ATP6V1C2: variants seen among roughly 807,000 people sequenced by gnomAD.
The protein encoded by ATP6V1C2 is V-type proton ATPase subunit C 2.
Under a neutral mutation model 56.8 loss-of-function variants are expected in ATP6V1C2, and 45 were observed. That is an observed-to-expected ratio of 0.79 (90% CI 0.62 to 1.02). ATP6V1C2 has a LOEUF of 1.02. ATP6V1C2 is among the 50% of genes least tolerant of loss of function. The probability of loss-of-function intolerance (pLI) is 0.00; values close to 1 mark genes in which losing one functional copy is unlikely to be tolerated. For synonymous variants in ATP6V1C2, 220 were observed against 201.3 expected, an observed-to-expected ratio of 1.09 and a Z score of -0.79; for missense variants, 463 against 519.7, an observed-to-expected ratio of 0.89 and a Z score of 1.06.
At chr2:10,777,310 G>A (rs912984152) in intron 10 of ATP6V1C2, among the ~76,000 whole-genome samples, 1 of 152,220 alleles carries the variant, frequency 6.6e-6, no homozygotes, top group African/African-American at 2.4e-5. Flanking sequence ...GCCCAAGCAA[G>A]GGGAGGGAGC....
At chr2:10,774,573 G>A (rs1313610239) in intron 8 of ATP6V1C2, among the ~76,000 whole-genome samples, 2 of 152,212 alleles carry the variant, frequency 1.3e-5, no homozygotes, top group African/African-American at 4.8e-5. Context: ...GCACCCCGAG[G>A]CCCCCTGAGG....
At chr2:10,764,976 C>CA (rs60445006) in intron 5 of ATP6V1C2, among the ~76,000 whole-genome samples, 59 of 145,696 alleles carry the variant, frequency 4.0e-4, no homozygotes, top group African/African-American at 4.1e-4. Flanking sequence ...GTCCCCCCAC[C>CA]AAAAAAAAAA....
At chr2:10,725,136 A>G (rs1253051820) in intron 2 of ATP6V1C2, among the ~76,000 whole-genome samples, 2 of 152,046 alleles carry the variant, frequency 1.3e-5, no homozygotes, top group Non-Finnish European at 1.5e-5. Context: ...GATCATGGCC[A>G]GGCACGGTGG....
chr2:10,758,284 C>G (rs1198858), intron 4 of ATP6V1C2, among the ~76,000 whole-genome samples: 35,769 of 152,104 alleles, frequency 0.24, 4,453 homozygotes, highest in Admixed American at 0.32. Context: ...TTAATGTAAC[C>G]TTAAGTTAGA....
chr2:10,731,865 TG>T (rs1661968445), intron 3 of ATP6V1C2, among the ~76,000 whole-genome samples: 1 of 151,920 alleles, frequency 6.6e-6, no homozygotes, highest in South Asian at 2.1e-4. Flanking sequence ...TCCCAGCACT[TG>T]GGAAGTTGAG....
rs1665149402 is a variant in ATP6V1C2, at chr2:10,778,589, G to A, written c.981G>A (p.Trp327Ter). 1 of 1,614,174 alleles carries A rather than the reference G, an allele frequency of 6.2e-7. No homozygotes were observed. The highest frequency in any genetic ancestry group is 2.2e-5 in the East Asian group (1 of 44,884). ...CTTTGCAGGGCCCCCTGCTGCGCTG[G>A]CTCAAGGTGAACTTCAGTGAAGCCT... ...EGEGEGPLLRWLKVNFSEAFI... is the reference protein window; with the variant it reads ...EGEGEGPLLR Residue 327 changes from tryptophan to a stop codon, truncating the protein, a stop_gained, in exon 12 of 14, where the codon TGG (tryptophan) becomes TGA (stop). Transcript: ENST00000272238. LOFTEE classifies it high-confidence loss of function.
chr2:10,784,371 A>G lies in ATP6V1C2; in HGVS notation c.*1108A>G, dbSNP rs1032358948. ...CACTGTTAGATCTGCAGAAGGGGAC[A>G]CCCTGGAAGGTCAACATCTCATTTT... On this transcript the variant is annotated 3_prime_UTR_variant, in exon 14 of 14. Coordinates refer to ENST00000272238, the MANE Select transcript of ATP6V1C2 (RefSeq NM_001039362.2). 10 of 1,496,280 alleles carry G rather than the reference A, an allele frequency of 6.7e-6. No homozygotes were observed. The highest frequency in any genetic ancestry group is 1.4e-5 in the African/African-American group (1 of 72,088). 92.7% of individuals were successfully genotyped at this position (1,496,280 alleles called of 1,614,324 possible). A position where few individuals can be genotyped will look rare whatever the true frequency, so the allele number is the denominator to read the frequency against.
chr2:10,782,174 TGGTCA>T lies in ATP6V1C2; in HGVS notation c.1062-65_1062-61del. 2.5e-6 allele frequency: 4 copies of T among 1,576,022 alleles called. No homozygotes were observed. In the South Asian group the frequency reaches 4.6e-5, roughly 18 times the overall value. ...TTTCACCCTCGGAATGTACTGTTTC[TGGTCA>T]GGTTCCTTCTATCCGTGTTTGCATT... is the stretch of plus-strand genomic sequence containing the variant. On this transcript the variant is annotated intron_variant, in intron 12 of 13. Transcript: ENST00000272238.
intron 2 of ATP6V1C2, among the ~76,000 whole-genome samples, chr2:10,725,176 G>T (rs1422731842): frequency 6.6e-6 from 1 of 151,932 alleles, no homozygotes; most frequent in African/African-American, 2.4e-5. Flanking sequence ...CCCTTTGGGA[G>T]GTCGAAGTGG....
At chr2:10,757,694 C>G (rs956374275) in intron 4 of ATP6V1C2, among the ~76,000 whole-genome samples, 1 of 152,238 alleles carries the variant, frequency 6.6e-6, no homozygotes, top group African/African-American at 2.4e-5. Context: ...CGCCTGGAAG[C>G]TGGGAACGCT....
intron 3 of ATP6V1C2, among the ~76,000 whole-genome samples, chr2:10,753,128 A>G (rs1307725273): frequency 6.6e-6 from 1 of 152,238 alleles, no homozygotes; most frequent in Non-Finnish European, 1.5e-5. Context: ...TGTTTTTCAG[A>G]GACAAAAAGT....
intron 3 of ATP6V1C2, 147 bp downstream of exon 3, chr2:10,726,716 C>T (rs573540830): frequency 8.1e-5 from 59 of 725,214 alleles, no homozygotes; most frequent in African/African-American, 5.9e-4. Flanking sequence ...AGTCCCCCTG[C>T]GGGTGCTGGG....
At chr2:10,741,746 C>A (rs898954837) in intron 3 of ATP6V1C2, among the ~76,000 whole-genome samples, 1 of 152,116 alleles carries the variant, frequency 6.6e-6, no homozygotes, top group African/African-American at 2.4e-5. Flanking sequence ...AGGGCCTTGG[C>A]TTTGTGTGTG....
rs1160837259 is a variant in ATP6V1C2 at position 10,777,635 on chromosome 2, CAAGGTT to C, written c.882_887del (p.Lys295_Val296del). 1 of 1,614,028 alleles carries C rather than the reference CAAGGTT, an allele frequency of 6.2e-7. No homozygotes were observed. The highest frequency in any genetic ancestry group is 8.5e-7 in the Non-Finnish European group (1 of 1,180,028). On this transcript the variant is annotated inframe_deletion, in exon 11 of 14. Transcript: ENST00000272238. The stretch of plus-strand genomic sequence containing the variant: ...AGGGATCATCCACCTTCCCGGACCA[CAAGGTT>C]AAGGTAACCCCGCTAGGTAACCCTG...
chr2:10,726,592 C>T (rs775090046), intron 3 of ATP6V1C2, 23 bp downstream of exon 3: 47 of 1,588,078 alleles, frequency 3.0e-5, no homozygotes, highest in African/African-American at 4.0e-5. Context: ...TTATTTACTA[C>T]ATACAAGTGA....
chr2:10,780,832 C>T lies in ATP6V1C2; in HGVS notation c.1062-1411C>T, dbSNP rs1345599641. ...AATCTCAGCTCACTGCGACCTCCACCTCCCAGGTTCAAGCAATTCTCCTGC... is the reference window on the plus strand; with the variant it reads ...AATCTCAGCTCACTGCGACCTCCACTTCCCAGGTTCAAGCAATTCTCCTGC... On this transcript the variant is annotated intron_variant, in intron 12 of 13. Coordinates refer to ENST00000272238, the MANE Select transcript of ATP6V1C2 (RefSeq NM_001039362.2). The surrounding 1 kb of genome is among the most constrained non-coding windows in gnomAD (Gnocchi z 4.1). Among the ~76,000 whole-genome samples the T allele has an allele frequency of 6.6e-6, 1 of 152,082 alleles. No individual in the cohort carries two copies. Among genetic ancestry groups the T allele is most frequent in the Non-Finnish European group, 1.5e-5 (1 of 67,992 alleles).
chr2:10,765,942 T>TG (rs1314636333), intron 5 of ATP6V1C2, among the ~76,000 whole-genome samples: 1 of 152,182 alleles, frequency 6.6e-6, no homozygotes, highest in Non-Finnish European at 1.5e-5. Context: ...AGGAGGGCAC[T>TG]GGTTTGGTGG....
At chr2:10,758,780 A>G (rs2148469044) in intron 4 of ATP6V1C2, among the ~76,000 whole-genome samples, 1 of 151,694 alleles carries the variant, frequency 6.6e-6, no homozygotes, top group Middle Eastern at 3.4e-3. Flanking sequence ...CTCCTGCCTC[A>G]GCCTCCCAAA....
At chr2:10,737,374 G>A (rs1405745358) in intron 3 of ATP6V1C2, among the ~76,000 whole-genome samples, 1 of 148,570 alleles carries the variant, frequency 6.7e-6, no homozygotes, top group Non-Finnish European at 1.5e-5. Context: ...AGTGAGCGGA[G>A]ATCACGCCAC....
Sources: allele counts gnomAD v4.1 joint callset (sites outside exome capture counted in the v4.1 genomes callset), GRCh38; gene constraint gnomAD v4.1.1; non-coding constraint Gnocchi (gnomAD v3.1); transcripts MANE v1.5; gene names NCBI Gene and HGNC (gene_info 2026-07-23, HGNC 2026-07-21).